Variants in PCDHA8 observed in about 807,000 individuals in gnomAD.
PCDHA8 encodes protocadherin alpha 8.
PCDHA8 carries 53 observed loss-of-function variants against 61.8 expected under a neutral mutation model. That is an observed-to-expected ratio of 0.86 (90% CI 0.69 to 1.08). The LOEUF is 1.08. Among genes scored for constraint, PCDHA8 ranks in the 50% least tolerant of loss-of-function variants. PCDHA8 has a pLI of 0.00. For synonymous variants in PCDHA8, 618 were observed against 556.6 expected, an observed-to-expected ratio of 1.11 and a Z score of -1.55; for missense variants, 1,293 against 1,245.0, an observed-to-expected ratio of 1.04 and a Z score of -0.58.
At chr5:140,909,851 G>A (rs555110598) in intron 1 of PCDHA8, among the ~76,000 whole-genome samples, 17 of 152,228 alleles carry the variant, frequency 1.1e-4, no homozygotes, top group East Asian at 3.9e-4. Flanking sequence ...GGACGTTTTC[G>A]GTCCCCTGGA....
intron 1 of PCDHA8, among the ~76,000 whole-genome samples, chr5:140,855,588 A>G (rs924591016): frequency 6.7e-6 from 1 of 149,870 alleles, no homozygotes; most frequent in Non-Finnish European, 1.5e-5. Flanking sequence ...AAATATTAGT[A>G]TACTCAGTAG....
Position 140,936,624 on chromosome 5 carries a change from C to T in PCDHA8, c.2395-42325C>T, listed in dbSNP as rs186958884. On this transcript the variant is annotated intron_variant, in intron 1 of 3. Coordinates refer to ENST00000531613, the MANE Select transcript of PCDHA8 (RefSeq NM_018911.3). Reference sequence around the variant, plus strand: ...TCCTCGCTGCTACTGTGCAGTGCTACCTTTGTCATAAGCAACGTGACTTTA... The same window carrying T: ...TCCTCGCTGCTACTGTGCAGTGCTATCTTTGTCATAAGCAACGTGACTTTA... 2.3e-3 allele frequency among the ~76,000 whole-genome samples: 345 copies of T among 152,302 alleles called. 2 individuals are homozygous for T. Among genetic ancestry groups the T allele is most frequent in the South Asian group, 2.5e-3 (12 of 4,824 alleles).
chr5:140,843,388 G>C lies in PCDHA8; in HGVS notation c.2067G>C (p.Pro689=), dbSNP rs1411961192. The change falls in exon 1 of 4, where the codon CCG becomes CCC. Residue 689 remains proline (P), a synonymous_variant. Coordinates refer to ENST00000531613, the MANE Select transcript of PCDHA8 (RefSeq NM_018911.3). ...GGCAGTCGGCTGGCGTTTTGGGTCC[G>C]GAAGCGGCGCTGGTGGATGTCAACG... ...SSRQSAGVLG[P]EAALVDVNVY... 45 of 1,595,950 alleles carry C rather than the reference G, an allele frequency of 2.8e-5. 4 individuals are homozygous for C. The highest frequency in any genetic ancestry group is 3.9e-5 in the Non-Finnish European group (45 of 1,165,580).
rs990142871 is a variant in PCDHA8, at chr5:140,854,493, T to G, written c.2394+10778T>G. 2.7e-5 allele frequency: 4 copies of G among 149,954 alleles called. No homozygotes were observed. The Admixed American group carries it at 2.7e-4, about 10-fold the overall frequency. The allele number at this position is 149,954 out of a possible 1,614,324, so 9.3% of individuals were successfully genotyped here. On this transcript the variant is annotated intron_variant, in intron 1 of 3. Transcript: ENST00000531613. ...AGAGAAGTATAGAAACAGAATTTAG[T>G]AGGACACATAAACTGATGGATTAAG...
intron 3 of PCDHA8, among the ~76,000 whole-genome samples, chr5:141,006,816 G>C (rs1554260932): frequency 6.6e-6 from 1 of 152,082 alleles, no homozygotes; most frequent in African/African-American, 2.4e-5. Flanking sequence ...TGAGAAATGG[G>C]GTAAATGGGG....
intron 1 of PCDHA8, among the ~76,000 whole-genome samples, chr5:140,902,203 C>CTTTT (rs148688132): frequency 2.0e-4 from 25 of 124,426 alleles, no homozygotes; most frequent in African/African-American, 2.5e-4. Flanking sequence ...CTCTCTCTTT[C>CTTTT]TTTTTTTTTT....
At chr5:140,945,178 C>T (rs2093753648) in intron 1 of PCDHA8, among the ~76,000 whole-genome samples, 2 of 151,902 alleles carry the variant, frequency 1.3e-5, no homozygotes, top group Admixed American at 1.3e-4. Flanking sequence ...AAAAATAAAT[C>T]AAGAAAACCA....
chr5:140,983,777 A>G (rs947937417), intron 3 of PCDHA8, among the ~76,000 whole-genome samples: 1 of 152,256 alleles, frequency 6.6e-6, no homozygotes, highest in Non-Finnish European at 1.5e-5. Context: ...ATCTACATAC[A>G]TAACAGATGA....
intron 1 of PCDHA8, among the ~76,000 whole-genome samples, chr5:140,891,205 A>G (rs561238636): frequency 3.3e-5 from 5 of 152,120 alleles, no homozygotes; most frequent in African/African-American, 1.2e-4. Context: ...CAGTTTTACC[A>G]TGCTGTGTCT....
intron 1 of PCDHA8, chr5:140,856,456 A>T: frequency 6.3e-7 from 1 of 1,598,478 alleles, no homozygotes; most frequent in Non-Finnish European, 8.6e-7. Flanking sequence ...CCGTAACAGA[A>T]CAAAAGCTCT....
At chr5:140,850,731 G>A (rs1366939358) in intron 1 of PCDHA8, 3 of 1,597,906 alleles carry the variant, frequency 1.9e-6, no homozygotes, top group Non-Finnish European at 2.6e-6. Flanking sequence ...TAGCGCGGTG[G>A]GGAGTTGGTC....
At chr5:140,980,849 C>A (rs2096908252) in intron 2 of PCDHA8, among the ~76,000 whole-genome samples, 1 of 152,068 alleles carries the variant, frequency 6.6e-6, no homozygotes, top group Admixed American at 6.6e-5. Context: ...TAATACTAAT[C>A]TTTTTCGTAT....
intron 1 of PCDHA8, among the ~76,000 whole-genome samples, chr5:140,918,402 T>C (rs906018367): frequency 1.3e-5 from 2 of 152,212 alleles, no homozygotes; most frequent in African/African-American, 4.8e-5. Flanking sequence ...GCCTGATTTC[T>C]CTGGCCAGGA....
chr5:140,875,793 G>A (rs2055816565), intron 1 of PCDHA8: 1 of 1,614,100 alleles, frequency 6.2e-7, no homozygotes, highest in Non-Finnish European at 8.5e-7. Flanking sequence ...TCCACCTGGA[G>A]GTGATCGTGG....
At chr5:140,971,807 T>C in intron 1 of PCDHA8, among the ~76,000 whole-genome samples, 1 of 152,270 alleles carries the variant, frequency 6.6e-6, no homozygotes, top group Middle Eastern at 3.4e-3. Context: ...TATTATAATA[T>C]TGAATACATA....
chr5:140,989,139 C>G (rs1308771993), intron 3 of PCDHA8, among the ~76,000 whole-genome samples: 1 of 152,136 alleles, frequency 6.6e-6, no homozygotes, highest in African/African-American at 2.4e-5. Context: ...ACACTTTATC[C>G]CTTCTTTTGT....
chr5:140,848,301 G>A (rs2150408358), intron 1 of PCDHA8: 1 of 676,876 alleles, frequency 1.5e-6, no homozygotes, highest in Non-Finnish European at 2.5e-6. Flanking sequence ...GCCACGTGAT[G>A]TCACTCTTTG....
At chr5:140,941,194 TCTTTCTTCC>T (rs781813612) in intron 1 of PCDHA8, among the ~76,000 whole-genome samples, 93 of 112,424 alleles carry the variant, frequency 8.3e-4, no homozygotes, top group South Asian at 2.2e-3. Flanking sequence ...TCTTTTTTTT[TCTTTCTTCC>T]TTTCTTTCTT....
At chr5:140,909,327 G>A (rs2074440684) in intron 1 of PCDHA8, among the ~76,000 whole-genome samples, 1 of 152,216 alleles carries the variant, frequency 6.6e-6, no homozygotes. Context: ...CCAAATCAAT[G>A]GTTGCATACC....
Sources: gnomAD v4.1 joint callset for allele counts (sites outside exome capture counted in the v4.1 genomes callset) on GRCh38, gnomAD v4.1.1 for gene constraint, MANE v1.5 for transcripts, NCBI Gene and HGNC (gene_info 2026-07-23, HGNC 2026-07-21) for gene names.